SYCP3: variants seen among roughly 807,000 people sequenced by gnomAD.
SYCP3 encodes synaptonemal complex protein 3.
SYCP3 carries 29 observed loss-of-function variants against 38.5 expected under a neutral mutation model. The observed-to-expected ratio is 0.75, with a 90% confidence interval of 0.56 to 1.03. The LOEUF (loss-of-function observed/expected upper bound fraction) is 1.03, where lower values mean the gene tolerates loss of function less well. SYCP3 is among the 50% of genes least tolerant of loss of function. The pLI, the probability that SYCP3 is intolerant of heterozygous loss-of-function variation, is 0.00. For synonymous variants in SYCP3, 79 were observed against 80.3 expected (o/e 0.98, Z 0.08); for missense variants, 242 against 270.7 (o/e 0.89, Z 0.74).
At chr12:101,735,122 G>C in intron 4 of SYCP3, 78 bp from the exon 5 acceptor site, 1 of 919,534 alleles carries the variant, frequency 1.1e-6, no homozygotes, top group Non-Finnish European at 1.7e-6. Flanking sequence ...GTAAATATGG[G>C]TAAGGTTGGT....
In SYCP3 at chr12:101,729,095, A is replaced by G. The variant is rs778640140; in HGVS notation, c.657+14T>C. 2 of 1,608,590 alleles carry G rather than the reference A, an allele frequency of 1.2e-6. No individual in the cohort carries two copies. Among genetic ancestry groups the G allele is most frequent in the East Asian group, 2.2e-5 (1 of 44,694 alleles). On this transcript the variant is annotated intron_variant, in intron 8 of 8. Transcript: ENST00000392924. ...ATTAATCCTTATTTTTTCAATTTCA[A>G]TATGATCACTTACAGTTTCCATCAT...
chr12:101,738,464 C>T (rs141240432), intron 1 of SYCP3, among the ~76,000 whole-genome samples: 38 of 150,714 alleles, frequency 2.5e-4, no homozygotes, highest in African/African-American at 9.0e-4. Context: ...TGGCCGGGCG[C>T]TGTGGCTCAT....
intron 2 of SYCP3, 47 bp downstream of exon 2, chr12:101,737,756 A>G (rs750941053): frequency 6.2e-7 from 1 of 1,613,190 alleles, no homozygotes; most frequent in Admixed American, 1.7e-5. Flanking sequence ...TGGGTTCAAA[A>G]CAAATGAACT....
At chr12:101,738,201 AT>A (rs1322364850) in intron 1 of SYCP3, among the ~76,000 whole-genome samples, 1 of 152,118 alleles carries the variant, frequency 6.6e-6, no homozygotes. Context: ...AGGCAGGCAG[AT>A]CACCTGAGGT....
At chr12:101,739,179 CG>C in intron 1 of SYCP3, 171 bp downstream of exon 1, 4 of 683,476 alleles carry the variant, frequency 5.9e-6, no homozygotes, top group Non-Finnish European at 5.4e-6. Flanking sequence ...CAGCCCAGCC[CG>C]CCCGCTTTCC....
At chr12:101,729,443 C>T (rs4764651) in intron 7 of SYCP3, 2 of 428,106 alleles carry the variant, frequency 4.7e-6, no homozygotes, top group Non-Finnish European at 4.1e-6. Context: ...ACTTTGCCCA[C>T]AATGGGTTTC....
intron 1 of SYCP3, among the ~76,000 whole-genome samples, chr12:101,739,033 A>T (rs867926022): frequency 6.6e-6 from 1 of 152,234 alleles, no homozygotes; most frequent in Admixed American, 6.5e-5. Flanking sequence ...GACAACAAAT[A>T]CATCGAGGAA....
In SYCP3 at chr12:101,733,389, A is replaced by C. The variant is rs145577085; in HGVS notation, c.453+186T>G. On this transcript the variant is annotated intron_variant, in intron 6 of 8. Coordinates refer to ENST00000392924, the MANE Select transcript of SYCP3 (RefSeq NM_001177949.2). ...CTTGGAAATGCAGGAACCCCAAACAATATAAATGCCTTTTATGAGTATGGT... is the reference window on the plus strand; with the variant it reads ...CTTGGAAATGCAGGAACCCCAAACACTATAAATGCCTTTTATGAGTATGGT... 846 of 559,114 alleles carry C rather than the reference A, an allele frequency of 1.5e-3. 4 individuals are homozygous for C. The highest frequency in any genetic ancestry group is 2.3e-3 in the Non-Finnish European group (725 of 314,502). 34.6% of individuals were successfully genotyped at this position (559,114 alleles called of 1,614,324 possible).
intron 1 of SYCP3, among the ~76,000 whole-genome samples, chr12:101,738,613 A>G (rs1036378464): frequency 6.6e-6 from 1 of 151,296 alleles, no homozygotes; most frequent in Admixed American, 6.6e-5. Context: ...GCGGGTGCCT[A>G]TGATCTCAGT....
rs10860779 is a variant in SYCP3, at chr12:101,733,484, C to A, written c.453+91G>T. 348,312 of 1,166,508 alleles carry A rather than the reference C, an allele frequency of 0.3. 53,164 individuals are homozygous for A. The highest frequency in any genetic ancestry group is 0.38 in the East Asian group (15,965 of 42,530). 72.3% of individuals were successfully genotyped at this position (1,166,508 alleles called of 1,614,324 possible). On this transcript the variant is annotated intron_variant, in intron 6 of 8. Transcript: ENST00000392924. ...ACATGGCCAGCAATGGTTAATGAAA[C>A]CTGGCTCAGTTCCACTGGTCACAAT... is the stretch of plus-strand genomic sequence containing the variant.
chr12:101,735,871 A>ATTTTTTTT (rs201568592), intron 4 of SYCP3, among the ~76,000 whole-genome samples: 9 of 74,726 alleles, frequency 1.2e-4, no homozygotes, highest in East Asian at 1.1e-3. Context: ...ATATATATAT[A>ATTTTTTTT]TTTTTTTTTT....
At chr12:101,729,565 C>T (rs559696987) in intron 7 of SYCP3, 59 of 201,036 alleles carry the variant, frequency 2.9e-4, no homozygotes, top group African/African-American at 1.3e-3. Context: ...TAATAGTGTG[C>T]CATGAATTCA....
In SYCP3 at chr12:101,731,577, C is replaced by A; in HGVS notation, c.543G>T (p.Gln181His). The A allele has an allele frequency of 6.2e-7, 1 of 1,601,134 alleles. No homozygotes were observed. Among genetic ancestry groups the A allele is most frequent in the Admixed American group, 1.7e-5 (1 of 58,802 alleles). ...ACCACATACAACAAACCTTTATGAA[C>A]TGCTCATATAACTGTTTAATTGTTT... ...RLKTIKQLYEQFIKSMEELEK... is the reference protein window; with the variant it reads ...RLKTIKQLYEHFIKSMEELEK... Residue 181 changes from glutamine (Q) to histidine (H), a missense_variant, in exon 7 of 9, where the codon CAG becomes CAT. Transcript: ENST00000392924.
intron 4 of SYCP3, among the ~76,000 whole-genome samples, chr12:101,736,024 A>G (rs1952427909): frequency 2.0e-5 from 2 of 99,680 alleles, no homozygotes; most frequent in Admixed American, 1.9e-4. Context: ...ACTTTTAAAT[A>G]CATTTTTTAC....
intron 4 of SYCP3, among the ~76,000 whole-genome samples, chr12:101,735,848 A>ATT (rs1952393288): frequency 1.9e-5 from 2 of 103,650 alleles, no homozygotes; most frequent in African/African-American, 8.6e-5. Flanking sequence ...AATATAATCA[A>ATT]TTTTATATAT....
Position 101,737,870 on chromosome 12 carries a change from C to G in SYCP3, c.66G>C (p.Thr22=), listed in dbSNP as rs142701369. 1.2e-6 allele frequency: 2 copies of G among 1,614,192 alleles called. No homozygotes were observed. Among genetic ancestry groups the G allele is most frequent in the Non-Finnish European group, 1.7e-6 (2 of 1,180,030 alleles). ...SGKPSVEDQF[T]RAYDFETEDK... The stretch of plus-strand genomic sequence containing the variant: ...CTTCAGTCTCAAAGTCATAGGCTCT[C>G]GTAAACTGATCTTCCACAGACGGCT... Residue 22 remains threonine (T), a synonymous_variant, in exon 2 of 9, where the codon ACG becomes ACC. Coordinates refer to ENST00000392924, the MANE Select transcript of SYCP3 (RefSeq NM_001177949.2).
chr12:101,728,998 A>C lies in SYCP3; in HGVS notation c.658-18T>G, dbSNP rs1478923577. 23 of 1,613,308 alleles carry C rather than the reference A, an allele frequency of 1.4e-5. No individual in the cohort carries two copies. The highest frequency in any genetic ancestry group is 1.8e-5 in the Non-Finnish European group (21 of 1,179,646). ...TGCTGCTGCTGTTTCATGGAAGGAG[A>C]TATTAAACATTTGTTTAATTTTTAT... On this transcript the variant is annotated intron_variant, in intron 8 of 8. Transcript: ENST00000392924.
chr12:101,739,192 C>A, intron 1 of SYCP3, 159 bp downstream of exon 1: 1 of 852,004 alleles, frequency 1.2e-6, no homozygotes, highest in Non-Finnish European at 1.4e-6. Flanking sequence ...CCGCTTTCCA[C>A]TAGGCCCTAT....
At chr12:101,734,704 C>T (rs1399421807) in intron 5 of SYCP3, among the ~76,000 whole-genome samples, 7 of 151,998 alleles carry the variant, frequency 4.6e-5, no homozygotes, top group South Asian at 2.1e-4. Flanking sequence ...CAAGCGAGCA[C>T]GCCTGGTTAA....
Sources: allele counts gnomAD v4.1 joint callset (sites outside exome capture counted in the v4.1 genomes callset), GRCh38; gene constraint gnomAD v4.1.1; transcripts MANE v1.5; gene names NCBI Gene and HGNC (gene_info 2026-07-23, HGNC 2026-07-21).